The following SMURF2 variants were observed in gnomAD, a reference collection of about 807,000 sequenced individuals.
SMURF2 encodes SMAD specific E3 ubiquitin protein ligase 2, also known as E3 ubiquitin-protein ligase SMURF2.
SMURF2 carries 48 observed loss-of-function variants against 109.6 expected under a neutral mutation model. The ratio of observed to expected loss-of-function variants is 0.44; its 90% CI spans 0.35 to 0.56. SMURF2 has a LOEUF of 0.56. Among genes scored for constraint, SMURF2 ranks in the 20% least tolerant of loss-of-function variants. The pLI is 0.01. For missense variants in SMURF2, 575 were observed against 909.0 expected (o/e 0.63, Z 4.72); for synonymous variants, 288 against 317.1 (o/e 0.91, Z 0.97).
At chr17:64,557,223 A>G (rs1555684112) in intron 13 of SMURF2, among the ~76,000 whole-genome samples, 1 of 152,206 alleles carries the variant, frequency 6.6e-6, no homozygotes, top group Non-Finnish European at 1.5e-5. Flanking sequence ...CAATGACAAA[A>G]CTGAAGCTTA....
In SMURF2 at chr17:64,578,560, T is replaced by C. The variant is rs1969531742; in HGVS notation, c.789A>G (p.Gln263=). Residue 263 remains glutamine, a synonymous_variant, in exon 9 of 19, where the codon CAA becomes CAG. Coordinates refer to ENST00000262435, the MANE Select transcript of SMURF2 (RefSeq NM_022739.4). ...LPEGYEQRTT[Q]QGQVYFLHTQ... ...TATGTAAGAAATACACCTGGCCTTG[T>C]TGCGTTGTCCTCTGTTCTGTAAAAT... is the stretch of plus-strand genomic sequence containing the variant. 1.2e-6 allele frequency: 2 copies of C among 1,613,200 alleles called. No individual in the cohort carries two copies. The highest frequency in any genetic ancestry group is 8.5e-7 in the Non-Finnish European group (1 of 1,179,156).
At chr17:64,599,174 A>G (rs1969859113) in intron 2 of SMURF2, among the ~76,000 whole-genome samples, 2 of 152,178 alleles carry the variant, frequency 1.3e-5, no homozygotes, top group Admixed American at 1.3e-4. Context: ...CAATAACCCT[A>G]CGAGGTAAAC....
intron 1 of SMURF2, among the ~76,000 whole-genome samples, chr17:64,652,829 A>C (rs1970657442): frequency 6.6e-6 from 1 of 152,206 alleles, no homozygotes; most frequent in Admixed American, 6.5e-5. Context: ...AGGAAACAAA[A>C]GTATTTTCAA....
chr17:64,649,512 G>C (rs1168028248), intron 1 of SMURF2, among the ~76,000 whole-genome samples: 2 of 152,082 alleles, frequency 1.3e-5, no homozygotes, highest in Admixed American at 6.6e-5. Flanking sequence ...GCCATATTAA[G>C]ATAAAAATGG....
chr17:64,661,777 G>T, intron 1 of SMURF2, 52 bp downstream of exon 1: 1 of 1,169,874 alleles, frequency 8.5e-7, no homozygotes, highest in Non-Finnish European at 1.1e-6. Context: ...GGCACCCCCC[G>T]CCAGCTCGCC....
chr17:64,598,973 C>A (rs1555688328), intron 2 of SMURF2, among the ~76,000 whole-genome samples: 2 of 152,060 alleles, frequency 1.3e-5, no homozygotes, highest in African/African-American at 4.8e-5. Context: ...AAAAATCAGA[C>A]TGAAACAAAA....
chr17:64,629,669 A>G (rs908171335), intron 1 of SMURF2, among the ~76,000 whole-genome samples: 19 of 152,234 alleles, frequency 1.2e-4, no homozygotes, highest in African/African-American at 4.6e-4. Flanking sequence ...GCAGAGCTAA[A>G]TGGCCTTTTC....
intron 2 of SMURF2, among the ~76,000 whole-genome samples, chr17:64,600,009 G>C (rs1969871865): frequency 6.6e-6 from 1 of 152,206 alleles, no homozygotes; most frequent in African/African-American, 2.4e-5. Flanking sequence ...GGCTTGGACT[G>C]ATTGAGGTAG....
At chr17:64,636,551 G>A (rs782279277) in intron 1 of SMURF2, among the ~76,000 whole-genome samples, 4 of 141,762 alleles carry the variant, frequency 2.8e-5, no homozygotes, top group Admixed American at 7.5e-5. Context: ...TGAGTGAGAC[G>A]AGATTGCATG....
At chr17:64,584,361 C>CTTTTTTTTTTTTTTTTT (rs372682588) in intron 6 of SMURF2, among the ~76,000 whole-genome samples, 3 of 112,754 alleles carry the variant, frequency 2.7e-5, no homozygotes, top group African/African-American at 1.1e-4. Flanking sequence ...CTTTTTTTTT[C>CTTTTTTTTTTTTTTTTT]TTTTTTTTTT....
At chr17:64,559,540 C>A (rs1443921005) in intron 12 of SMURF2, among the ~76,000 whole-genome samples, 1 of 151,576 alleles carries the variant, frequency 6.6e-6, no homozygotes, top group Non-Finnish European at 1.5e-5. Context: ...TTGCAGGGAG[C>A]CGAGATTGCG....
rs1407823599 is a variant in SMURF2 at position 64,586,989 on chromosome 17, C to A, written c.401-819G>T. Among the ~76,000 whole-genome samples the A allele has an allele frequency of 2.0e-5, 3 of 151,766 alleles. No homozygotes were observed. In the South Asian group the frequency reaches 6.2e-4, roughly 31 times the overall value. On this transcript the variant is annotated intron_variant, in intron 5 of 18. Coordinates refer to ENST00000262435, the MANE Select transcript of SMURF2 (RefSeq NM_022739.4). The stretch of plus-strand genomic sequence containing the variant: ...GACTAGCCTGGCAAACATGGTGAAA[C>A]CCCGTCTCTACAAAATACAAAAAAT...
intron 2 of SMURF2, among the ~76,000 whole-genome samples, chr17:64,603,637 A>T (rs543832203): frequency 5.6e-4 from 85 of 151,996 alleles, no homozygotes; most frequent in Non-Finnish European, 1.1e-3. Flanking sequence ...GATAAAGTTA[A>T]TGGTAGAATC....
intron 1 of SMURF2, among the ~76,000 whole-genome samples, chr17:64,645,270 G>T (rs942179914): frequency 1.3e-5 from 2 of 152,124 alleles, no homozygotes; most frequent in Non-Finnish European, 2.9e-5. Flanking sequence ...TAAATTTGAA[G>T]AAAAAGAAAA....
chr17:64,658,432 C>G (rs757016398), intron 1 of SMURF2, among the ~76,000 whole-genome samples: 17 of 152,128 alleles, frequency 1.1e-4, no homozygotes, highest in Non-Finnish European at 2.2e-4. Flanking sequence ...ATTTTTAAAG[C>G]CTTGAATCGA....
intron 8 of SMURF2, 123 bp downstream of exon 8, chr17:64,580,666 T>A: frequency 9.9e-7 from 1 of 1,005,170 alleles, no homozygotes; most frequent in Non-Finnish European, 1.5e-6. Flanking sequence ...GGAGGTTTTA[T>A]ATTTATTTTC....
At chr17:64,591,901 A>G (rs1288449914) in intron 4 of SMURF2, among the ~76,000 whole-genome samples, 1 of 152,236 alleles carries the variant, frequency 6.6e-6, no homozygotes, top group Non-Finnish European at 1.5e-5. Flanking sequence ...CTCAATAAAT[A>G]TTTGATAAAT....
At chr17:64,628,849 C>A (rs578177333) in intron 1 of SMURF2, among the ~76,000 whole-genome samples, 2 of 152,168 alleles carry the variant, frequency 1.3e-5, no homozygotes, top group Non-Finnish European at 2.9e-5. Flanking sequence ...ACTACTCTCA[C>A]AATTGATCAT....
rs1968899365 is a variant in SMURF2, at chr17:64,543,258, G to T, written c.*2590C>A. On this transcript the variant is annotated 3_prime_UTR_variant, in exon 19 of 19. Transcript: ENST00000262435. Reference sequence around the variant, plus strand: ...TGTTGGTGATAACATAGACTGTTATGGAGAGTAATTTCTTTTTTTTTTTTT... The same window carrying T: ...TGTTGGTGATAACATAGACTGTTATTGAGAGTAATTTCTTTTTTTTTTTTT... The T allele has an allele frequency of 6.6e-6, 1 of 151,074 alleles. No individual in the cohort carries two copies. The highest frequency in any genetic ancestry group is 6.6e-5 in the Admixed American group (1 of 15,104). The allele number at this position is 151,074 out of a possible 1,614,324, so 9.4% of individuals were successfully genotyped here. A position where few individuals can be genotyped will look rare whatever the true frequency, so the allele number is the denominator to read the frequency against.
Sources: allele counts gnomAD v4.1 joint callset (sites outside exome capture counted in the v4.1 genomes callset), GRCh38; gene constraint gnomAD v4.1.1; transcripts MANE v1.5; gene names NCBI Gene and HGNC (gene_info 2026-07-23, HGNC 2026-07-21).